The following MZT2A variants were observed in gnomAD, a reference collection of about 807,000 sequenced individuals.
The protein encoded by MZT2A is mitotic-spindle organizing protein 2A.
Under a neutral mutation model 12.4 loss-of-function variants are expected in MZT2A, and 8 were observed. The observed-to-expected ratio is 0.64, with a 90% confidence interval of 0.38 to 1.16. MZT2A has a LOEUF of 1.16. Among genes scored for constraint, MZT2A ranks in the 50% most tolerant of loss-of-function variants. MZT2A has a pLI of 0.01. For synonymous variants in MZT2A, 88 were observed against 107.5 expected, an observed-to-expected ratio of 0.82 and a Z score of 1.12; for missense variants, 181 against 223.6, an observed-to-expected ratio of 0.81 and a Z score of 1.22.
At position 131,488,706 on chromosome 2, in the gene MZT2A, C is replaced by T. The variant is rs574522710; in HGVS notation, c.319+3170G>A. Among the ~76,000 whole-genome samples the T allele has an allele frequency of 5.3e-5, 8 of 152,268 alleles. 1 individual carries two copies. Among genetic ancestry groups the T allele is most frequent in the South Asian group, 2.1e-4 (1 of 4,824 alleles). Reference sequence around the variant, plus strand: ...CCTCTGCCTCTCACTCAGCAGCACACGTCTGCCCCATTCCCCTCCACCTCC... The same window carrying T: ...CCTCTGCCTCTCACTCAGCAGCACATGTCTGCCCCATTCCCCTCCACCTCC... On this transcript the variant is annotated intron_variant, in intron 2 of 2. Transcript: ENST00000309451.
chr2:131,492,194 C>T lies in MZT2A; in HGVS notation c.170+13G>A. ...TGTCTGGCGAGCATGCGGCCCCCAC[C>T]CGCCCCGCTCACTTGAACACGTCGG... On this transcript the variant is annotated intron_variant, in intron 1 of 2. Transcript: ENST00000309451. 6.4e-7 allele frequency: 1 copy of T among 1,556,628 alleles called. No individual in the cohort carries two copies. The highest frequency in any genetic ancestry group is 8.7e-7 in the Non-Finnish European group (1 of 1,154,832).
chr2:131,490,434 G>C, intron 2 of MZT2A: 1 of 1,294,772 alleles, frequency 7.7e-7, no homozygotes, highest in Non-Finnish European at 9.9e-7. Flanking sequence ...TCTTCCCCTG[G>C]AGAGGGGCTC....
At chr2:131,481,435 ATTTT>A (rs70994779), downstream of MZT2A, among the ~76,000 whole-genome samples, 4 of 129,248 alleles carry the variant, frequency 3.1e-5, no homozygotes, top group African/African-American at 9.1e-5. Context: ...TGCCCGGGTA[ATTTT>A]TTTTTTTTTT....
intron 2 of MZT2A, chr2:131,490,281 C>A: frequency 1.0e-6 from 1 of 1,004,036 alleles, no homozygotes; most frequent in Non-Finnish European, 1.2e-6. Context: ...TGTGGCACTG[C>A]CTGGCAGACT....
upstream of MZT2A, chr2:131,492,622 G>T (rs1318073593): frequency 8.2e-7 from 1 of 1,214,894 alleles, no homozygotes; most frequent in Non-Finnish European, 1.0e-6. Context: ...CAGCTGCTTG[G>T]CGGTCAGGGC....
At chr2:131,486,486 G>T (rs1457657810) in intron 2 of MZT2A, 1 of 153,764 alleles carries the variant, frequency 6.5e-6, no homozygotes, top group Non-Finnish European at 1.5e-5. Flanking sequence ...ACCTAGGCCT[G>T]ACTCAGAGTC....
chr2:131,480,659 C>A (rs755153413), downstream of MZT2A: 3 of 1,613,844 alleles, frequency 1.9e-6, no homozygotes, highest in East Asian at 2.2e-5. Flanking sequence ...ACAGGGGGGA[C>A]GTGGTCCCCA....
At chr2:131,474,963 AC>A (rs1678603595) in intron 2 of MZT2A, among the ~76,000 whole-genome samples, 1 of 151,054 alleles carries the variant, frequency 6.6e-6, no homozygotes, top group Non-Finnish European at 1.5e-5. Flanking sequence ...GCCCAAATAA[AC>A]TCTATTTTTT....
rs1409821300 is a variant in MZT2A, at chr2:131,484,113, C to G, written c.425G>C (p.Arg142Thr). 2.5e-6 allele frequency: 4 copies of G among 1,614,024 alleles called. No individual in the cohort carries two copies. In the South Asian group the frequency reaches 3.3e-5, roughly 13 times the overall value. Reference protein sequence around the residue: ...QRMPRQPSATRLPKGGGPGKS... With the variant: ...QRMPRQPSATTLPKGGGPGKS... ...CCCAGGCCCGCCCCCCTTGGGCAGC[C>G]TGGTAGCGCTGGGCTGGCGTGGCAT... The change falls in exon 3 of 3, where the codon AGG (arginine) becomes ACG (threonine). Residue 142 changes from arginine to threonine, a missense_variant. Physicochemically the swap from Arg to Thr is moderately conservative, Grantham distance 71. This residue lies in a region of MZT2A where 72 missense variants were observed against 76.9 expected (regional missense o/e 0.94). Coordinates refer to ENST00000309451, the MANE Select transcript of MZT2A (RefSeq NM_001085365.2).
chr2:131,470,939 A>T (rs1300793599), intron 3 of MZT2A, among the ~76,000 whole-genome samples: 4 of 139,486 alleles, frequency 2.9e-5, no homozygotes, highest in South Asian at 2.1e-4. Flanking sequence ...TAAATCAAAG[A>T]CTCCCTGGGT....
downstream of MZT2A, among the ~76,000 whole-genome samples, chr2:131,481,540 G>C (rs1678868008): frequency 6.6e-6 from 1 of 150,592 alleles, no homozygotes; most frequent in Non-Finnish European, 1.5e-5. Flanking sequence ...GGCTCAAGCA[G>C]TTCTCTGCCT....
chr2:131,485,284 G>GA (rs1216941167), intron 2 of MZT2A, among the ~76,000 whole-genome samples: 1 of 152,164 alleles, frequency 6.6e-6, no homozygotes, highest in African/African-American at 2.4e-5. Context: ...TCAGCTACAT[G>GA]TTCCCCCTGC....
downstream of MZT2A, among the ~76,000 whole-genome samples, chr2:131,483,573 G>A (rs1200538518): frequency 2.8e-5 from 4 of 144,354 alleles, no homozygotes; most frequent in Admixed American, 2.0e-4. Context: ...AAAACTAGCC[G>A]GGTGTGGTGG....
intron 2 of MZT2A, chr2:131,489,789 A>G: frequency 1.2e-6 from 1 of 857,358 alleles, no homozygotes. Context: ...CTGGGATTAC[A>G]GGTGTGAGCC....
chr2:131,480,016 G>A (rs1186144250), downstream of MZT2A: 4 of 1,527,760 alleles, frequency 2.6e-6, no homozygotes, highest in African/African-American at 2.8e-5. Context: ...CTTGTTGGAG[G>A]TTGGTGGTGT....
chr2:131,492,801 A>G (rs2104746194), upstream of MZT2A: 1 of 1,399,062 alleles, frequency 7.1e-7, no homozygotes. Context: ...GGGGGGCACT[A>G]ATCAACAACC....
At chr2:131,473,218 G>A (rs1221845518) in intron 2 of MZT2A, among the ~76,000 whole-genome samples, 2 of 152,078 alleles carry the variant, frequency 1.3e-5, no homozygotes, top group East Asian at 3.9e-4. Flanking sequence ...TAGGGTGCCT[G>A]GGGCTAATAC....
At chr2:131,476,278 T>C (rs1005421286) in intron 2 of MZT2A, 7 of 1,609,974 alleles carry the variant, frequency 4.3e-6, no homozygotes, top group Non-Finnish European at 5.9e-6. Context: ...AGGGACGTTG[T>C]TGCGGGCCTG....
intron 2 of MZT2A, among the ~76,000 whole-genome samples, chr2:131,473,941 C>T (rs886168590): frequency 1.4e-5 from 2 of 146,564 alleles, no homozygotes; most frequent in African/African-American, 5.5e-5. Context: ...TTATCAGGCC[C>T]AGAGAGACAG....
Sources: allele counts gnomAD v4.1 joint callset (sites outside exome capture counted in the v4.1 genomes callset), GRCh38; gene constraint gnomAD v4.1.1; regional missense constraint gnomAD v4.1.1; transcripts MANE v1.5; gene names NCBI Gene and HGNC (gene_info 2026-07-23, HGNC 2026-07-21).